Variants in SH3GL1 observed in about 807,000 individuals in gnomAD.
The protein encoded by SH3GL1 is SH3 domain containing GRB2 like 1, endophilin A2, also known as endophilin-A2.
A neutral mutation model predicts 48.8 loss-of-function variants in SH3GL1; 21 were observed. That is an observed-to-expected ratio of 0.43 (90% CI 0.30 to 0.62). SH3GL1 has a LOEUF of 0.62. Ranked by LOEUF, SH3GL1 falls within the 20% of genes least tolerant of loss-of-function variation. The pLI is 0.11. For synonymous variants in SH3GL1, 282 were observed against 217.5 expected, an observed-to-expected ratio of 1.30 and a Z score of -2.61; for missense variants, 454 against 503.0, an observed-to-expected ratio of 0.90 and a Z score of 0.93.
chr19:4,387,046 C>A (rs1973248930), intron 1 of SH3GL1, among the ~76,000 whole-genome samples: 1 of 152,082 alleles, frequency 6.6e-6, no homozygotes, highest in African/African-American at 2.4e-5. Context: ...ACGCCATACT[C>A]CTGGCTCAGC....
At chr19:4,398,385 T>A (rs1468192181) in intron 1 of SH3GL1, among the ~76,000 whole-genome samples, 1 of 151,044 alleles carries the variant, frequency 6.6e-6, no homozygotes, top group Non-Finnish European at 1.5e-5. Flanking sequence ...AGGCTTCTTG[T>A]CTTTTTTTTT....
At chr19:4,384,330 C>G (rs1421682596) in intron 1 of SH3GL1, among the ~76,000 whole-genome samples, 2 of 152,210 alleles carry the variant, frequency 1.3e-5, no homozygotes, top group Admixed American at 1.3e-4. Flanking sequence ...GGCCAAGGCC[C>G]CCAGGCACAT....
rs1972584719 is a variant in SH3GL1, at chr19:4,360,763, T to A, written c.*837A>T. 4.3e-6 allele frequency: 1 copy of A among 233,398 alleles called. No homozygotes were observed. The highest frequency in any genetic ancestry group is 8.5e-6 in the Non-Finnish European group (1 of 118,252). 14.5% of individuals were successfully genotyped at this position (233,398 alleles called of 1,614,324 possible). A position where few individuals can be genotyped will look rare whatever the true frequency, so the allele number is the denominator to read the frequency against. On this transcript the variant is annotated 3_prime_UTR_variant, in exon 10 of 10. Transcript: ENST00000269886. ...TCACTGGAACCTTTGTGCTTGGCCC[T>A]CGGCAGCGCGGCTGTGGTCCCGTGT...
Position 4,376,103 on chromosome 19 carries a change from G to C in SH3GL1, c.46-9109C>G, listed in dbSNP as rs770317936. Among the ~76,000 whole-genome samples, 1 of 152,228 alleles carries C rather than the reference G, an allele frequency of 6.6e-6. No homozygotes were observed. The highest frequency in any genetic ancestry group is 6.5e-5 in the Admixed American group (1 of 15,290). On this transcript the variant is annotated intron_variant, in intron 1 of 9. Coordinates refer to ENST00000269886, the MANE Select transcript of SH3GL1 (RefSeq NM_003025.4). The surrounding 1 kb of genome is among the most constrained non-coding windows in gnomAD (Gnocchi z 4.3). ...AGGCTGCAGGTGCACAGATCTCAAC[G>C]AGGGGCCGTGAGTTCCCTCACTCCC...
chr19:4,381,686 C>A (rs1375341909), intron 1 of SH3GL1, among the ~76,000 whole-genome samples: 2 of 98,650 alleles, frequency 2.0e-5, no homozygotes, highest in African/African-American at 7.6e-5. Flanking sequence ...ACCCCCCACA[C>A]GCCTTTTTTT....
At position 4,361,377 on chromosome 19, in the gene SH3GL1, G is replaced by A. The variant is rs759414926; in HGVS notation, c.*223C>T. 7.3e-5 allele frequency: 41 copies of A among 561,262 alleles called. No homozygotes were observed. The highest frequency in any genetic ancestry group is 3.0e-4 in the African/African-American group (16 of 52,718). 34.8% of individuals were successfully genotyped at this position (561,262 alleles called of 1,614,324 possible). A position where few individuals can be genotyped will look rare whatever the true frequency, so the allele number is the denominator to read the frequency against. ...TGGAGTGGGGAAGGGAGCCGTCACC[G>A]TTGGGAGTCAGCGCTAGTGTAAACA... On this transcript the variant is annotated 3_prime_UTR_variant, in exon 10 of 10. Transcript: ENST00000269886.
rs368446362 is a variant in SH3GL1, at chr19:4,361,844, C to T, written c.911-48G>A. 658 of 1,378,410 alleles carry T rather than the reference C, an allele frequency of 4.8e-4. 2 individuals carry two copies. Among genetic ancestry groups the T allele is most frequent in the Non-Finnish European group, 5.9e-4 (579 of 982,418 alleles). The allele number at this position is 1,378,410 out of a possible 1,614,324, so 85.4% of individuals were successfully genotyped here. A position where few individuals can be genotyped will look rare whatever the true frequency, so the allele number is the denominator to read the frequency against. On this transcript the variant is annotated intron_variant, in intron 9 of 9. Coordinates refer to ENST00000269886, the MANE Select transcript of SH3GL1 (RefSeq NM_003025.4). Reference sequence around the variant, plus strand: ...GGGCTGGGGCTGCTACGCCTCACCCCGCCCAGTCTGGGGTCTCAGACCTGC... The same window carrying T: ...GGGCTGGGGCTGCTACGCCTCACCCTGCCCAGTCTGGGGTCTCAGACCTGC...
In SH3GL1 at chr19:4,367,119, G is replaced by A. The variant is rs1599595406; in HGVS notation, c.46-125C>T. 2.7e-6 allele frequency: 2 copies of A among 753,108 alleles called. No individual in the cohort carries two copies. Among genetic ancestry groups the A allele is most frequent in the East Asian group, 6.4e-5 (2 of 31,246 alleles). The allele number at this position is 753,108 out of a possible 1,614,324, so 46.7% of individuals were successfully genotyped here. A position where few individuals can be genotyped will look rare whatever the true frequency, so the allele number is the denominator to read the frequency against. ...TGGAGGCAGGAGGCCAAGTGATCAG[G>A]ACACACACCTCAGGCACTGCCGTGG... On this transcript the variant is annotated intron_variant, in intron 1 of 9. Transcript: ENST00000269886. This position sits in a 1 kb window ranked among gnomAD's most constrained non-coding sequence, Gnocchi z 4.2.
intron 8 of SH3GL1, 105 bp downstream of exon 8, chr19:4,362,507 G>A (rs1972648779): frequency 6.3e-7 from 1 of 1,580,824 alleles, no homozygotes; most frequent in African/African-American, 1.3e-5. Flanking sequence ...ACGGCTGAGA[G>A]CTGCACCCAG....
chr19:4,374,666 C>T (rs1350689334), intron 1 of SH3GL1, among the ~76,000 whole-genome samples: 2 of 152,248 alleles, frequency 1.3e-5, no homozygotes, highest in Non-Finnish European at 1.5e-5. Flanking sequence ...GCCTCTGGTC[C>T]GCATGCTGCC....
intron 5 of SH3GL1, 27 bp downstream of exon 5, chr19:4,364,061 G>C (rs1972703672): frequency 6.2e-7 from 1 of 1,611,634 alleles, no homozygotes; most frequent in African/African-American, 1.3e-5. Flanking sequence ...GGAAGGGACA[G>C]GCCCCAGGCT....
intron 1 of SH3GL1, among the ~76,000 whole-genome samples, chr19:4,386,628 G>A (rs564024174): frequency 4.0e-5 from 6 of 150,444 alleles, no homozygotes; most frequent in East Asian, 2.0e-4. Context: ...ACGAGCCACC[G>A]TGCCCAACAA....
At chr19:4,368,912 A>C (rs1972838516) in intron 1 of SH3GL1, among the ~76,000 whole-genome samples, 2 of 152,154 alleles carry the variant, frequency 1.3e-5, no homozygotes, top group South Asian at 4.1e-4. Flanking sequence ...TCTACTAAAA[A>C]TACAAAAAAA....
intron 1 of SH3GL1, among the ~76,000 whole-genome samples, chr19:4,394,326 C>T (rs553268468): frequency 1.3e-5 from 2 of 152,204 alleles, no homozygotes; most frequent in African/African-American, 4.8e-5. Flanking sequence ...ATTCTTTCAC[C>T]CTCCTTAGTC....
At chr19:4,384,631 AG>A (rs1973201357) in intron 1 of SH3GL1, among the ~76,000 whole-genome samples, 1 of 152,202 alleles carries the variant, frequency 6.6e-6, no homozygotes, top group South Asian at 2.1e-4. Flanking sequence ...TACATGCCAC[AG>A]GGGACCGCTC....
At chr19:4,364,916 A>ATTTTTTTT (rs35880496) in intron 4 of SH3GL1, among the ~76,000 whole-genome samples, 3 of 116,210 alleles carry the variant, frequency 2.6e-5, no homozygotes, top group African/African-American at 1.1e-4. Context: ...ATATATATAT[A>ATTTTTTTT]TTTTTTTTTT....
chr19:4,385,080 G>A (rs973326470), intron 1 of SH3GL1, among the ~76,000 whole-genome samples: 48 of 150,184 alleles, frequency 3.2e-4, no homozygotes, highest in Non-Finnish European at 5.9e-5. Context: ...CTCCAGCCTG[G>A]GTGACGAGAG....
At chr19:4,365,971 G>A (rs1185595495) in intron 3 of SH3GL1, among the ~76,000 whole-genome samples, 1 of 152,164 alleles carries the variant, frequency 6.6e-6, no homozygotes, top group Non-Finnish European at 1.5e-5. Flanking sequence ...AGGCTCCCGG[G>A]GTGGGTGATG....
At position 4,387,227 on chromosome 19, in the gene SH3GL1, C is replaced by T. The variant is rs549449118; in HGVS notation, c.45+13097G>A. On this transcript the variant is annotated intron_variant, in intron 1 of 9. Transcript: ENST00000269886. ...CTGGGATTACAGGCATGAGCCACCGCGCCTGGCCCCTCTTCTGTATTTCTT... is the reference window on the plus strand; with the variant it reads ...CTGGGATTACAGGCATGAGCCACCGTGCCTGGCCCCTCTTCTGTATTTCTT... Among the ~76,000 whole-genome samples the T allele has an allele frequency of 2.0e-5, 3 of 152,224 alleles. No homozygotes were observed. In the South Asian group the frequency reaches 6.2e-4, roughly 32 times the overall value.
Sources: gnomAD v4.1 joint callset for allele counts (sites outside exome capture counted in the v4.1 genomes callset) on GRCh38, gnomAD v4.1.1 for gene constraint, Gnocchi (gnomAD v3.1) non-coding constraint, MANE v1.5 for transcripts, NCBI Gene and HGNC (gene_info 2026-07-23, HGNC 2026-07-21) for gene names.